The following EXOC4 variants were observed in gnomAD, a reference collection of about 807,000 sequenced individuals.
EXOC4 encodes SEC8-like 1.
A neutral mutation model predicts 107.2 loss-of-function variants in EXOC4; 71 were observed. The observed-to-expected ratio is 0.66, with a 90% CI of 0.55 to 0.81. The LOEUF (loss-of-function observed/expected upper bound fraction) is 0.81. Among genes scored for constraint, EXOC4 ranks in the 30% least tolerant of loss-of-function variants. EXOC4 has a pLI of 0.00. For missense variants in EXOC4, 1,108 were observed against 1,189.6 expected (o/e 0.93, Z 1.01); for synonymous variants, 456 against 441.2 (o/e 1.03, Z -0.42).
intron 10 of EXOC4, among the ~76,000 whole-genome samples, chr7:133,790,655 T>C (rs1246964407): frequency 6.6e-6 from 1 of 152,272 alleles, no homozygotes; most frequent in Non-Finnish European, 1.5e-5. Context: ...AGCTAGGTTG[T>C]CCTTCTATTT....
chr7:133,985,177 G>C (rs1038268333), intron 14 of EXOC4, among the ~76,000 whole-genome samples: 4 of 152,156 alleles, frequency 2.6e-5, no homozygotes, highest in Non-Finnish European at 5.9e-5. Flanking sequence ...ATTGTCCATA[G>C]TCTTATGACC....
At chr7:133,925,515 G>A (rs1800031340) in intron 13 of EXOC4, among the ~76,000 whole-genome samples, 1 of 152,178 alleles carries the variant, frequency 6.6e-6, no homozygotes, top group East Asian at 1.9e-4. Flanking sequence ...AAGGTGTTGG[G>A]GAAGCAAAGA....
At chr7:133,558,189 C>CTCTTCTCTTT (rs1554471691) in intron 9 of EXOC4, among the ~76,000 whole-genome samples, 4 of 114,362 alleles carry the variant, frequency 3.5e-5, no homozygotes, top group Admixed American at 9.2e-5. Context: ...TTGGTTCCTT[C>CTCTTCTCTTT]TCTTTTCTTT....
At chr7:133,905,014 A>T (rs941698780) in intron 12 of EXOC4, among the ~76,000 whole-genome samples, 11 of 152,212 alleles carry the variant, frequency 7.2e-5, no homozygotes, top group Non-Finnish European at 1.3e-4. Flanking sequence ...CAAATGACTG[A>T]CTTAAATAGA....
At chr7:133,576,636 G>A (rs1416523323) in intron 9 of EXOC4, 1 of 1,289,612 alleles carries the variant, frequency 7.8e-7, no homozygotes, top group Non-Finnish European at 1.0e-6. Flanking sequence ...ATTGCTAAAT[G>A]TGATCTCACT....
chr7:133,492,338 G>T (rs766122208), intron 9 of EXOC4, among the ~76,000 whole-genome samples: 1 of 152,164 alleles, frequency 6.6e-6, no homozygotes, highest in Non-Finnish European at 1.5e-5. Context: ...GGTAGGTAAT[G>T]ATGTCATTTG....
intron 10 of EXOC4, among the ~76,000 whole-genome samples, chr7:133,788,955 T>C (rs1222114884): frequency 6.6e-6 from 1 of 152,154 alleles, no homozygotes; most frequent in Non-Finnish European, 1.5e-5. Context: ...AAAACAAGCT[T>C]GATACCCTAC....
chr7:133,637,488 C>G (rs749960550), intron 10 of EXOC4, among the ~76,000 whole-genome samples: 1 of 152,044 alleles, frequency 6.6e-6, no homozygotes, highest in Non-Finnish European at 1.5e-5. Context: ...GAGCTAAAGC[C>G]TATGTAGACA....
chr7:133,332,775 A>C (rs1241385957), intron 5 of EXOC4, among the ~76,000 whole-genome samples: 1 of 152,148 alleles, frequency 6.6e-6, no homozygotes, highest in African/African-American at 2.4e-5. Context: ...GGAACCTATC[A>C]TATAACTTGA....
intron 17 of EXOC4, among the ~76,000 whole-genome samples, chr7:134,055,591 T>G (rs1346266452): frequency 1.3e-5 from 2 of 152,206 alleles, no homozygotes; most frequent in Non-Finnish European, 2.9e-5. Context: ...TCCATTATTA[T>G]AAATACAGAA....
chr7:133,525,992 A>G (rs1032749227), intron 9 of EXOC4, among the ~76,000 whole-genome samples: 7 of 152,128 alleles, frequency 4.6e-5, no homozygotes, highest in African/African-American at 7.2e-5. Context: ...CTGAGCCAAT[A>G]TTCCAGAGAG....
chr7:133,267,619 T>C (rs1218969140), intron 1 of EXOC4, among the ~76,000 whole-genome samples: 1 of 152,188 alleles, frequency 6.6e-6, no homozygotes, highest in African/African-American at 2.4e-5. Context: ...ATAAGCTTCA[T>C]GAGGGAGGGA....
At chr7:133,603,606 A>G (rs1323891459) in intron 9 of EXOC4, among the ~76,000 whole-genome samples, 1 of 152,256 alleles carries the variant, frequency 6.6e-6, no homozygotes, top group African/African-American at 2.4e-5. Flanking sequence ...AATTGTAACA[A>G]AACGGGTATT....
intron 9 of EXOC4, among the ~76,000 whole-genome samples, chr7:133,532,652 A>G (rs1399633419): frequency 1.3e-5 from 2 of 152,108 alleles, no homozygotes; most frequent in African/African-American, 4.8e-5. Context: ...TGGCCACATC[A>G]GGTTTTAAGC....
chr7:133,306,235 T>C lies in EXOC4; in HGVS notation c.656+174T>C, dbSNP rs562984429. 1.1e-4 allele frequency among the ~76,000 whole-genome samples: 16 copies of C among 152,302 alleles called. No homozygotes were observed. The South Asian group carries it at 3.3e-3, about 32-fold the overall frequency. On this transcript the variant is annotated intron_variant, in intron 4 of 17. Coordinates refer to ENST00000253861, the MANE Select transcript of EXOC4 (RefSeq NM_021807.4). Reference sequence around the variant, plus strand: ...ACTCCATGTTCTGAGAGGCTGACATTTGAAGTTTGTTCATTCATTCATTCT... The same window carrying C: ...ACTCCATGTTCTGAGAGGCTGACATCTGAAGTTTGTTCATTCATTCATTCT...
At chr7:133,906,540 A>G (rs369972420) in intron 12 of EXOC4, among the ~76,000 whole-genome samples, 1 of 152,250 alleles carries the variant, frequency 6.6e-6, no homozygotes, top group Non-Finnish European at 1.5e-5. Context: ...TGATCAGGAT[A>G]TAAACCCAGG....
chr7:133,620,943 G>A (rs189143191), intron 9 of EXOC4, among the ~76,000 whole-genome samples: 2 of 152,302 alleles, frequency 1.3e-5, no homozygotes, highest in African/African-American at 4.8e-5. Flanking sequence ...AAACTCCCTT[G>A]TGCCTTGTTG....
chr7:133,719,048 A>G (rs1795053512), intron 10 of EXOC4, among the ~76,000 whole-genome samples: 1 of 152,172 alleles, frequency 6.6e-6, no homozygotes, highest in Non-Finnish European at 1.5e-5. Flanking sequence ...AACTCCCACA[A>G]TTCCTATGTT....
chr7:133,946,650 T>G (rs759450192), intron 14 of EXOC4, among the ~76,000 whole-genome samples: 1 of 152,242 alleles, frequency 6.6e-6, no homozygotes, highest in African/African-American at 2.4e-5. Flanking sequence ...CTGATTATTC[T>G]TAGCTGTCTT....
Sources: gnomAD v4.1 joint callset for allele counts (sites outside exome capture counted in the v4.1 genomes callset) on GRCh38, gnomAD v4.1.1 for gene constraint, MANE v1.5 for transcripts, NCBI Gene and HGNC (gene_info 2026-07-23, HGNC 2026-07-21) for gene names.